ARK2C: variants seen among roughly 807,000 people sequenced by gnomAD.
The protein encoded by ARK2C is E3 ubiquitin-protein ligase ARK2C.
chr18:46,431,016 T>C, the ARK2C span, among the ~76,000 whole-genome samples: 1 of 152,046 alleles, frequency 6.6e-6, no homozygotes, highest in East Asian at 1.9e-4. Context: ...CTACATTAGG[T>C]ATTTCTCCTA....
chr18:46,341,735 A>G, the ARK2C span, among the ~76,000 whole-genome samples: 1 of 152,196 alleles, frequency 6.6e-6, no homozygotes, highest in African/African-American at 2.4e-5. Context: ...TGTTATTCAC[A>G]TGTGTCTTTA....
the ARK2C span, among the ~76,000 whole-genome samples, chr18:46,419,904 C>T: frequency 1.3e-5 from 2 of 152,082 alleles, no homozygotes; most frequent in African/African-American, 2.4e-5. Context: ...TCTTTCTTTC[C>T]TGTCTTCCTT....
the ARK2C span, among the ~76,000 whole-genome samples, chr18:46,357,645 C>T: frequency 6.6e-6 from 1 of 152,184 alleles, no homozygotes; most frequent in Non-Finnish European, 1.5e-5. Context: ...GGGCTCGAGG[C>T]CTGGGGCACA....
At chr18:46,439,033 G>GGAGTC in the ARK2C span, among the ~76,000 whole-genome samples, 4 of 152,234 alleles carry the variant, frequency 2.6e-5, no homozygotes, top group African/African-American at 9.6e-5. Context: ...AGGCTGTGGT[G>GGAGTC]TGCATGGAGT....
chr18:46,407,653 G>A, the ARK2C span, among the ~76,000 whole-genome samples: 1 of 152,148 alleles, frequency 6.6e-6, no homozygotes, highest in Non-Finnish European at 1.5e-5. Flanking sequence ...TGGCTTGCGT[G>A]GGAAAAATGA....
the ARK2C span, among the ~76,000 whole-genome samples, chr18:46,444,488 A>T: frequency 6.6e-6 from 1 of 152,006 alleles, no homozygotes; most frequent in Non-Finnish European, 1.5e-5. Flanking sequence ...ATTATTATTC[A>T]GGATTTCATT....
the ARK2C span, among the ~76,000 whole-genome samples, chr18:46,352,335 A>G: frequency 1.3e-5 from 2 of 152,202 alleles, no homozygotes. Flanking sequence ...TGCACTGGCT[A>G]TATTGGGTAC....
At chr18:46,392,771 C>T in the ARK2C span, among the ~76,000 whole-genome samples, 1 of 152,150 alleles carries the variant, frequency 6.6e-6, no homozygotes, top group African/African-American at 2.4e-5. Context: ...GTACCCAGCC[C>T]GGACGGGGCC....
the ARK2C span, among the ~76,000 whole-genome samples, chr18:46,355,150 A>T: frequency 6.6e-6 from 1 of 151,816 alleles, no homozygotes. Context: ...ACAGGGTTTC[A>T]CCATGTTGGC....
the ARK2C span, among the ~76,000 whole-genome samples, chr18:46,443,130 A>G: frequency 6.6e-6 from 1 of 152,132 alleles, no homozygotes; most frequent in South Asian, 2.1e-4. Context: ...ATTTAATGCA[A>G]TTGTCTACAT....
the ARK2C span, among the ~76,000 whole-genome samples, chr18:46,450,081 C>T: frequency 0.8 from 121,555 of 152,194 alleles, 49,719 homozygotes; most frequent in African/African-American, 0.89. Flanking sequence ...TGAAGGTTAG[C>T]TGTCACTTTA....
the ARK2C span, chr18:46,433,558 G>A: frequency 6.8e-7 from 1 of 1,480,214 alleles, no homozygotes; most frequent in Non-Finnish European, 9.2e-7. Context: ...GGGTGAGGGG[G>A]CAGGGCCAGG....
chr18:46,447,257 T>G, the ARK2C span, among the ~76,000 whole-genome samples: 1 of 152,148 alleles, frequency 6.6e-6, no homozygotes, highest in African/African-American at 2.4e-5. Context: ...CGATTTAGAT[T>G]CTTCTTTCAG....
the ARK2C span, among the ~76,000 whole-genome samples, chr18:46,349,838 C>G: frequency 6.6e-6 from 1 of 152,218 alleles, no homozygotes; most frequent in African/African-American, 2.4e-5. Flanking sequence ...GCACCTGATG[C>G]TCACATCATC....
chr18:46,431,591 A>C, the ARK2C span, among the ~76,000 whole-genome samples: 1 of 152,136 alleles, frequency 6.6e-6, no homozygotes, highest in East Asian at 1.9e-4. Flanking sequence ...AGAAGAGGAG[A>C]GGGATTCCAA....
the ARK2C span, among the ~76,000 whole-genome samples, chr18:46,402,011 A>C: frequency 6.6e-6 from 1 of 152,190 alleles, no homozygotes; most frequent in South Asian, 2.1e-4. Flanking sequence ...AAGTGGTTGG[A>C]CTGAACTTTC....
the ARK2C span, among the ~76,000 whole-genome samples, chr18:46,402,471 T>C: frequency 2.6e-5 from 4 of 152,228 alleles, no homozygotes; most frequent in African/African-American, 9.6e-5. Context: ...TAAAAAATTG[T>C]TTCTTGTGTA....
the ARK2C span, among the ~76,000 whole-genome samples, chr18:46,411,795 T>C: frequency 6.6e-6 from 1 of 152,168 alleles, no homozygotes; most frequent in African/African-American, 2.4e-5. Flanking sequence ...CCAGATTCAG[T>C]CAAGTAGCTG....
the ARK2C span, chr18:46,435,197 C>T: frequency 9.6e-7 from 1 of 1,046,892 alleles, no homozygotes. Context: ...AAGAGTGGGG[C>T]ACCCTCAGGC....
Sources: gnomAD v4.1 joint callset for allele counts (sites outside exome capture counted in the v4.1 genomes callset) on GRCh38, gnomAD v4.1.1 for gene constraint, MANE v1.5 for transcripts, NCBI Gene and HGNC (gene_info 2026-07-23, HGNC 2026-07-21) for gene names.